Variants in CERK observed in about 807,000 individuals in gnomAD.
CERK encodes the protein acylsphingosine kinase.
A neutral mutation model predicts 63.4 loss-of-function variants in CERK; 39 were observed. The observed-to-expected ratio is 0.61, with a 90% CI of 0.48 to 0.80. The LOEUF is 0.80. Among genes scored for constraint, CERK ranks in the 30% least tolerant of loss-of-function variants. The pLI is 0.00. For missense variants in CERK, 670 were observed against 714.1 expected, an observed-to-expected ratio of 0.94 and a Z score of 0.70; for synonymous variants, 302 against 280.0, an observed-to-expected ratio of 1.08 and a Z score of -0.78.
At chr22:46,734,160 G>T (rs188507207) in intron 1 of CERK, among the ~76,000 whole-genome samples, 1 of 151,506 alleles carries the variant, frequency 6.6e-6, no homozygotes, top group Non-Finnish European at 1.5e-5. Context: ...CCCCTAAAGG[G>T]TCAGGGTGTC....
At chr22:46,729,478 G>A (rs2082935148) in intron 1 of CERK, among the ~76,000 whole-genome samples, 1 of 152,042 alleles carries the variant, frequency 6.6e-6, no homozygotes, top group South Asian at 2.1e-4. Context: ...GTACAATCAT[G>A]GAACACCGTA....
intron 1 of CERK, among the ~76,000 whole-genome samples, chr22:46,733,316 T>C (rs1233018077): frequency 6.6e-6 from 1 of 151,456 alleles, no homozygotes; most frequent in Non-Finnish European, 1.5e-5. Context: ...TTATTTGAGA[T>C]GGAGTCTCGC....
Position 46,691,631 on chromosome 22 carries a change from T to C in CERK, c.1273A>G (p.Lys425Glu), listed in dbSNP as rs2146542575. The change falls in exon 11 of 13, where the codon AAA becomes GAA. Residue 425 changes from lysine (K) to glutamate (E), a missense_variant. Physicochemically the swap from Lys to Glu is moderately conservative, Grantham distance 56 (BLOSUM62 1). Coordinates refer to ENST00000216264, the MANE Select transcript of CERK (RefSeq NM_022766.6). ...DGSSDLILIR[K>E]CSRFNFLRFL... ...CTCAGAAAATTGAACCTGGAGCATT[T>C]CCGGATGAGGATGAGGTCAGAAGAC... The C allele has an allele frequency of 6.2e-7, 1 of 1,613,952 alleles. No homozygotes were observed. The highest frequency in any genetic ancestry group is 8.5e-7 in the Non-Finnish European group (1 of 1,180,028).
At position 46,690,195 on chromosome 22, in the gene CERK, G is replaced by T; in HGVS notation, c.1338C>A (p.Asp446Glu). 1 of 1,613,660 alleles carries T rather than the reference G, an allele frequency of 6.2e-7. No homozygotes were observed. The highest frequency in any genetic ancestry group is 8.5e-7 in the Non-Finnish European group (1 of 1,179,902). ...IRHTNQQDQFDFTFVEVYRVK... is the reference protein window; with the variant it reads ...IRHTNQQDQFEFTFVEVYRVK... ...CGCGATAAACTTCAACAAAAGTGAA[G>T]TCAAACTACCAAGAAACAGTGAGAG... The change falls in exon 12 of 13, where the codon GAC becomes GAA. Residue 446 changes from aspartate (D) to glutamate (E), a missense_variant. Asp to Glu is a conservative substitution (Grantham distance 45, BLOSUM62 2). Transcript: ENST00000216264.
intron 10 of CERK, among the ~76,000 whole-genome samples, chr22:46,692,190 G>T (rs2082734953): frequency 6.6e-6 from 1 of 152,162 alleles, no homozygotes; most frequent in South Asian, 2.1e-4. Context: ...ACTTTGGGAG[G>T]CCGAGGCGGG....
chr22:46,711,812 C>G (rs1471956921), intron 4 of CERK, among the ~76,000 whole-genome samples: 1 of 152,194 alleles, frequency 6.6e-6, no homozygotes, highest in East Asian at 1.9e-4. Context: ...TTGGGCTGGG[C>G]ACAGTGGCTC....
chr22:46,693,385 G>A (rs2082741142), intron 10 of CERK, 42 bp downstream of exon 10: 2 of 1,546,434 alleles, frequency 1.3e-6, no homozygotes, highest in East Asian at 4.5e-5. Flanking sequence ...CCGCACTCCA[G>A]CACACACAGT....
At chr22:46,691,829 C>T (rs768089723) in intron 10 of CERK, 52 bp from the exon 11 acceptor site, 45 of 1,506,072 alleles carry the variant, frequency 3.0e-5, no homozygotes, top group Non-Finnish European at 3.7e-5. Flanking sequence ...CGCCGGGCAG[C>T]GCCCTGCACC....
At position 46,684,557 on chromosome 22, in the gene CERK, C is replaced by T. The variant is rs969590783; in HGVS notation, c.*2577G>A. 1 of 152,246 alleles carries T rather than the reference C, an allele frequency of 6.6e-6. No homozygotes were observed. Among genetic ancestry groups the T allele is most frequent in the African/African-American group, 2.4e-5 (1 of 41,522 alleles). The allele number at this position is 152,246 out of a possible 1,614,324, so 9.4% of individuals were successfully genotyped here. A position where few individuals can be genotyped will look rare whatever the true frequency, so the allele number is the denominator to read the frequency against. ...AGTTACTCAAGATTGTATTCAGGAA[C>T]GAAGTCAAACTCGGCCTCACTTCTT... On this transcript the variant is annotated 3_prime_UTR_variant, in exon 13 of 13. Coordinates refer to ENST00000216264, the MANE Select transcript of CERK (RefSeq NM_022766.6).
At chr22:46,713,440 C>T (rs1410331798) in intron 3 of CERK, among the ~76,000 whole-genome samples, 15 of 132,330 alleles carry the variant, frequency 1.1e-4, no homozygotes, top group Non-Finnish European at 1.9e-4. Flanking sequence ...ACCCGGGAGG[C>T]GGAGCTGGCA....
chr22:46,710,707 C>T (rs1369378589), intron 5 of CERK, among the ~76,000 whole-genome samples: 1 of 152,130 alleles, frequency 6.6e-6, no homozygotes, highest in African/African-American at 2.4e-5. Context: ...AATAGTAGTT[C>T]TGGGAAATCT....
chr22:46,701,675 T>C lies in CERK; in HGVS notation c.751A>G (p.Thr251Ala), dbSNP rs1326474986. Residue 251 changes from threonine (T) to alanine (A), a missense_variant, in exon 7 of 13, where the codon ACC becomes GCC. Transcript: ENST00000216264. ...AGCGCCGAGGTTTCTGCGTCGCTGG[T>C]GCCCACGGTGGAGTAACACACGCAG... Reference protein sequence around the residue: ...TDCVCYSTVGTSDAETSALHI... With the variant: ...TDCVCYSTVGASDAETSALHI... 1.3e-6 allele frequency: 2 copies of C among 1,559,464 alleles called. No individual in the cohort carries two copies. The highest frequency in any genetic ancestry group is 2.7e-5 in the African/African-American group (2 of 73,306).
intron 6 of CERK, among the ~76,000 whole-genome samples, chr22:46,702,223 A>ATG (rs34222392): frequency 0.17 from 14,032 of 84,358 alleles, 1,083 homozygotes; most frequent in Non-Finnish European, 0.24. Flanking sequence ...AAATATATAT[A>ATG]TGTGTGTGTG....
At chr22:46,721,290 C>CATATATAT (rs369906534) in intron 1 of CERK, among the ~76,000 whole-genome samples, 1 of 150,874 alleles carries the variant, frequency 6.6e-6, no homozygotes, top group African/African-American at 2.4e-5. Flanking sequence ...AAAAGATATA[C>CATATATAT]ATATATATAT....
intron 6 of CERK, 42 bp from the exon 7 acceptor site, chr22:46,701,752 CAG>C: frequency 7.4e-6 from 11 of 1,484,476 alleles, no homozygotes; most frequent in Non-Finnish European, 1.0e-5. Flanking sequence ...ATCAGAATAA[CAG>C]AATTGTAATC....
In CERK at chr22:46,687,586, C is replaced by CCCAT. The variant is rs998237602; in HGVS notation, c.1542-381_1542-380insATGG. Among the ~76,000 whole-genome samples, 18 of 152,012 alleles carry CCCAT rather than the reference C, an allele frequency of 1.2e-4. 1 individual carries two copies. The highest frequency in any genetic ancestry group is 3.3e-4 in the Admixed American group (5 of 15,260). On this transcript the variant is annotated intron_variant, in intron 12 of 12. Transcript: ENST00000216264. ...CTCCAGTGTCTGCCCACTCCACCCA[C>CCCAT]CCACCCACCTCCATTTTCTCAGCAG...
chr22:46,737,418 C>T (rs2082980170), intron 1 of CERK, among the ~76,000 whole-genome samples: 1 of 152,226 alleles, frequency 6.6e-6, no homozygotes, highest in Non-Finnish European at 1.5e-5. Flanking sequence ...CACTCTTCTC[C>T]TCATCCGGAG....
intron 5 of CERK, among the ~76,000 whole-genome samples, chr22:46,708,964 G>C (rs745552533): frequency 2.6e-5 from 4 of 152,154 alleles, no homozygotes; most frequent in Non-Finnish European, 2.9e-5. Flanking sequence ...GTCTGTCTGT[G>C]CAGGCGCGAC....
chr22:46,733,800 G>A (rs2082958090), intron 1 of CERK, among the ~76,000 whole-genome samples: 1 of 151,638 alleles, frequency 6.6e-6, no homozygotes, highest in African/African-American at 2.4e-5. Context: ...CCAACACTTT[G>A]GGAGGCCGAG....
Sources: allele counts gnomAD v4.1 joint callset (sites outside exome capture counted in the v4.1 genomes callset), GRCh38; gene constraint gnomAD v4.1.1; transcripts MANE v1.5; gene names NCBI Gene and HGNC (gene_info 2026-07-23, HGNC 2026-07-21).